ATRNL1: variants seen among roughly 807,000 people sequenced by gnomAD.
ATRNL1 encodes the protein attractin-like protein 1.
Under a neutral mutation model 182.7 loss-of-function variants are expected in ATRNL1, and 95 were observed. The ratio of observed to expected loss-of-function variants is 0.52; its 90% confidence interval spans 0.44 to 0.62. The LOEUF (loss-of-function observed/expected upper bound fraction) is 0.62. ATRNL1 is among the 20% of genes least tolerant of loss of function. ATRNL1 has a pLI of 0.00. For missense variants in ATRNL1, 1,471 were observed against 1,679.5 expected (o/e 0.88, Z 2.17); for synonymous variants, 576 against 568.3 (o/e 1.01, Z -0.19).
intron 26 of ATRNL1, among the ~76,000 whole-genome samples, chr10:115,716,358 G>C (rs910203884): frequency 6.6e-6 from 1 of 152,098 alleles, no homozygotes; most frequent in Admixed American, 6.6e-5. Flanking sequence ...TATATGTATT[G>C]ATTAAAAGGA....
intron 8 of ATRNL1, among the ~76,000 whole-genome samples, chr10:115,200,125 G>A (rs1554891990): frequency 6.6e-6 from 1 of 151,874 alleles, no homozygotes; most frequent in East Asian, 1.9e-4. Flanking sequence ...ATACAGTTCA[G>A]TTTTATCACA....
chr10:115,427,795 T>C (rs1554963252), intron 21 of ATRNL1, among the ~76,000 whole-genome samples: 4 of 152,096 alleles, frequency 2.6e-5, no homozygotes, highest in Non-Finnish European at 5.9e-5. Flanking sequence ...CTTATTTTTA[T>C]GCTAACGTAG....
intron 26 of ATRNL1, among the ~76,000 whole-genome samples, chr10:115,619,734 T>A (rs1032102476): frequency 6.6e-6 from 1 of 152,242 alleles, no homozygotes; most frequent in East Asian, 1.9e-4. Flanking sequence ...ATAACTTTAA[T>A]ATTTTAAATT....
intron 26 of ATRNL1, among the ~76,000 whole-genome samples, chr10:115,656,361 A>G (rs1282453788): frequency 6.6e-6 from 1 of 152,114 alleles, no homozygotes; most frequent in African/African-American, 2.4e-5. Flanking sequence ...TTCTCCCCAT[A>G]TCTTTATAGA....
At chr10:115,240,772 T>C (rs550953488) in intron 9 of ATRNL1, among the ~76,000 whole-genome samples, 2 of 152,224 alleles carry the variant, frequency 1.3e-5, no homozygotes, top group South Asian at 4.1e-4. Context: ...AGATCAGTTA[T>C]AATTGTGAGC....
rs566891576 is a variant in ATRNL1, at chr10:115,438,552, C to A, written c.3322+12250C>A. Among the ~76,000 whole-genome samples, 6 of 152,044 alleles carry A rather than the reference C, an allele frequency of 3.9e-5. No individual in the cohort carries two copies. In the South Asian group the frequency reaches 1.2e-3, roughly 32 times the overall value. ...TTAAACATCTTGTATACGTTAAAAGCCTTTTCTCTTTATATATTTTTGCTT... is the reference window on the plus strand; with the variant it reads ...TTAAACATCTTGTATACGTTAAAAGACTTTTCTCTTTATATATTTTTGCTT... On this transcript the variant is annotated intron_variant, in intron 21 of 28. Coordinates refer to ENST00000355044, the MANE Select transcript of ATRNL1 (RefSeq NM_207303.4).
chr10:115,501,969 C>G (rs1554980206), intron 24 of ATRNL1, among the ~76,000 whole-genome samples: 1 of 151,840 alleles, frequency 6.6e-6, no homozygotes. Flanking sequence ...TTATAAAACC[C>G]CCTTCTAAAG....
chr10:115,138,153 G>C (rs1378280582), intron 5 of ATRNL1, among the ~76,000 whole-genome samples: 1 of 152,206 alleles, frequency 6.6e-6, no homozygotes, highest in East Asian at 1.9e-4. Context: ...CCATGGTCTT[G>C]GGCAGCTCTG....
At chr10:115,869,964 C>CTTTTTTTTTT (rs150345069) in intron 28 of ATRNL1, among the ~76,000 whole-genome samples, 1 of 71,690 alleles carries the variant, frequency 1.4e-5, no homozygotes, top group African/African-American at 6.4e-5. Context: ...GTTCCCAGAC[C>CTTTTTTTTTT]TTTTTTTTTT....
chr10:115,688,819 A>G (rs1946300923), intron 26 of ATRNL1, among the ~76,000 whole-genome samples: 1 of 151,996 alleles, frequency 6.6e-6, no homozygotes, highest in Non-Finnish European at 1.5e-5. Context: ...ATTTAGTATT[A>G]TCCCCCCTTT....
chr10:115,528,096 T>A (rs1325009828), intron 25 of ATRNL1, among the ~76,000 whole-genome samples: 2 of 149,492 alleles, frequency 1.3e-5, no homozygotes, highest in African/African-American at 4.9e-5. Flanking sequence ...CTAAAAATAA[T>A]CTGCTTCAGC....
At chr10:115,832,609 A>T (rs1555094089) in intron 27 of ATRNL1, among the ~76,000 whole-genome samples, 1 of 152,180 alleles carries the variant, frequency 6.6e-6, no homozygotes, top group Non-Finnish European at 1.5e-5. Flanking sequence ...AGAATTAGGC[A>T]TTGGAATTAT....
chr10:115,194,967 CAAAT>C (rs1224183990), intron 8 of ATRNL1, among the ~76,000 whole-genome samples: 11 of 151,786 alleles, frequency 7.2e-5, no homozygotes, highest in Admixed American at 5.3e-4. Context: ...AAAAACAAAA[CAAAT>C]AAGCAAATAA....
intron 7 of ATRNL1, among the ~76,000 whole-genome samples, chr10:115,166,285 TTTTG>T (rs1301652195): frequency 6.6e-6 from 1 of 152,056 alleles, no homozygotes; most frequent in Non-Finnish European, 1.5e-5. Context: ...ATATACCACA[TTTTG>T]TTTATCCATC....
intron 22 of ATRNL1, among the ~76,000 whole-genome samples, chr10:115,463,561 A>G (rs1454301352): frequency 5.9e-5 from 9 of 152,136 alleles, no homozygotes; most frequent in Admixed American, 6.6e-5. Flanking sequence ...ATGTAATTCA[A>G]TGGCATTAAG....
chr10:115,837,386 C>A (rs1275380633), intron 27 of ATRNL1, among the ~76,000 whole-genome samples: 1 of 151,012 alleles, frequency 6.6e-6, no homozygotes, highest in Non-Finnish European at 1.5e-5. Context: ...TTCCCTCTTA[C>A]CTGACTTGAT....
intron 26 of ATRNL1, among the ~76,000 whole-genome samples, chr10:115,578,562 C>CT (rs1389516939): frequency 2.0e-5 from 3 of 151,436 alleles, no homozygotes; most frequent in Non-Finnish European, 4.4e-5. Context: ...CTTTATGATC[C>CT]TTTTTTATTT....
At chr10:115,223,462 A>G (rs1554897915) in intron 9 of ATRNL1, among the ~76,000 whole-genome samples, 2 of 152,184 alleles carry the variant, frequency 1.3e-5, no homozygotes, top group Non-Finnish European at 1.5e-5. Flanking sequence ...TTCTTAATTT[A>G]TATATAATTT....
chr10:115,735,039 G>C (rs2134081353), intron 27 of ATRNL1, among the ~76,000 whole-genome samples: 1 of 151,980 alleles, frequency 6.6e-6, no homozygotes, highest in Admixed American at 6.6e-5. Flanking sequence ...TATGAGTTTT[G>C]TCATTCCTTG....
Sources: allele counts gnomAD v4.1 joint callset (sites outside exome capture counted in the v4.1 genomes callset), GRCh38; gene constraint gnomAD v4.1.1; transcripts MANE v1.5; gene names NCBI Gene and HGNC (gene_info 2026-07-23, HGNC 2026-07-21).